NAV3: variants seen among roughly 807,000 people sequenced by gnomAD.
NAV3 encodes neuron navigator 3, also known as pore membrane and/or filament interacting like protein 1.
NAV3 carries 87 observed loss-of-function variants against 244.7 expected under a neutral mutation model. That is an observed-to-expected ratio of 0.36 (90% CI 0.30 to 0.42). The LOEUF (loss-of-function observed/expected upper bound fraction) is 0.42. Ranked by LOEUF, NAV3 falls within the 20% of genes least tolerant of loss-of-function variation. The pLI is 1.00. For missense variants in NAV3, 2,663 were observed against 2,893.3 expected (o/e 0.92, Z 1.83); for synonymous variants, 1,126 against 1,042.2 (o/e 1.08, Z -1.55).
intron 1 of NAV3, among the ~76,000 whole-genome samples, chr12:77,934,722 A>G (rs1222331649): frequency 2.6e-5 from 4 of 152,190 alleles, no homozygotes; most frequent in Non-Finnish European, 4.4e-5. Context: ...AATTCCTGTT[A>G]TGTCTTAGAA....
chr12:78,175,167 G>C lies in NAV3; in HGVS notation c.4982-139G>C, dbSNP rs1460662856. 34 of 839,204 alleles carry C rather than the reference G, an allele frequency of 4.1e-5. No individual in the cohort carries two copies. In the South Asian group the frequency reaches 7.2e-4, roughly 18 times the overall value. 52.0% of individuals were successfully genotyped at this position (839,204 alleles called of 1,614,324 possible). Reference sequence around the variant, plus strand: ...GGTTGTACTTTATTAAACTTCTAAAGTCAAAACTGCATTGAAATTATCTGT... The same window carrying C: ...GGTTGTACTTTATTAAACTTCTAAACTCAAAACTGCATTGAAATTATCTGT... On this transcript the variant is annotated intron_variant, in intron 24 of 39. Coordinates refer to ENST00000397909, the MANE Select transcript of NAV3 (RefSeq NM_001024383.2).
At chr12:77,653,044 A>G (rs556360694) in intron 2 of NAV3, among the ~76,000 whole-genome samples, 1 of 152,362 alleles carries the variant, frequency 6.6e-6, no homozygotes, top group South Asian at 2.1e-4. Context: ...AGAAACTGGA[A>G]TACAGAAGAT....
rs1010777859 is a variant in NAV3, at chr12:77,630,961, A to G, written c.72+58695A>G. ...AGTGTTCATTTCCTCACTAAGTACT[A>G]GGGCATACCACACTGTTTCCATAGC... On this transcript the variant is annotated intron_variant, in intron 2 of 8. Transcript: ENST00000550042. 2.0e-5 allele frequency among the ~76,000 whole-genome samples: 3 copies of G among 152,198 alleles called. No homozygotes were observed. In the South Asian group the frequency reaches 6.2e-4, roughly 31 times the overall value.
At chr12:77,885,162 TGG>T (rs1289642491) in intron 1 of NAV3, among the ~76,000 whole-genome samples, 1 of 152,070 alleles carries the variant, frequency 6.6e-6, no homozygotes, top group African/African-American at 2.4e-5. Context: ...TATTCCTATA[TGG>T]GTTAAGCAAT....
At chr12:77,849,931 T>C (rs990234439) in intron 1 of NAV3, among the ~76,000 whole-genome samples, 5 of 152,144 alleles carry the variant, frequency 3.3e-5, no homozygotes, top group Non-Finnish European at 5.9e-5. Flanking sequence ...CTCCTTTTTG[T>C]ACCTGATTAA....
At chr12:78,126,896 G>A (rs924163327) in intron 16 of NAV3, among the ~76,000 whole-genome samples, 1 of 152,138 alleles carries the variant, frequency 6.6e-6, no homozygotes, top group Non-Finnish European at 1.5e-5. Flanking sequence ...ATAGGATTCA[G>A]AGGAAAATTA....
At chr12:77,820,839 A>G (rs934521283) in intron 2 of NAV3, among the ~76,000 whole-genome samples, 1 of 152,204 alleles carries the variant, frequency 6.6e-6, no homozygotes, top group African/African-American at 2.4e-5. Context: ...AGATTTCCTT[A>G]AAGTGACTAT....
intron 2 of NAV3, among the ~76,000 whole-genome samples, chr12:77,664,199 A>G (rs1018352323): frequency 7.9e-5 from 12 of 152,326 alleles, no homozygotes; most frequent in African/African-American, 2.6e-4. Flanking sequence ...TTTAATGGAG[A>G]TGTTTGGATC....
At chr12:77,988,223 A>T (rs1434590459) in intron 5 of NAV3, among the ~76,000 whole-genome samples, 2 of 152,188 alleles carry the variant, frequency 1.3e-5, no homozygotes, top group African/African-American at 4.8e-5. Context: ...CTGAGGTTCT[A>T]TATTTCTAAC....
At chr12:77,836,016 T>A (rs573094968) in intron 1 of NAV3, among the ~76,000 whole-genome samples, 1 of 152,232 alleles carries the variant, frequency 6.6e-6, no homozygotes, top group African/African-American at 2.4e-5. Flanking sequence ...TTTCAAGGGC[T>A]TATGTTTTCC....
intron 2 of NAV3, among the ~76,000 whole-genome samples, chr12:77,731,067 A>G (rs1877108307): frequency 6.6e-6 from 1 of 152,004 alleles, no homozygotes; most frequent in Non-Finnish European, 1.5e-5. Context: ...TCTTCCACTC[A>G]TACAACTTGT....
rs2138627639 is a variant in NAV3 at position 78,119,707 on chromosome 12, G to C, written c.3511G>C (p.Ala1171Pro). Residue 1171 changes from alanine (A) to proline (P), a missense_variant, in exon 15 of 40, where the codon GCT (alanine) becomes CCT (proline). Around this residue, in one of 6 missense-constraint regions of NAV3, gnomAD observed 1,521 missense variants for 1,497.0 expected, o/e 1.02. Transcript: ENST00000397909. ...SIDSNVSSKSAGATTSKLREP... is the reference protein window; with the variant it reads ...SIDSNVSSKSPGATTSKLREP... ...TGATTCCAACGTCAGCAGCAAGTCT[G>C]CTGGGGCCACCACCTCGAAACTGAG... The C allele has an allele frequency of 6.2e-7, 1 of 1,614,222 alleles. No individual in the cohort carries two copies. The highest frequency in any genetic ancestry group is 8.5e-7 in the Non-Finnish European group (1 of 1,180,036).
At chr12:78,181,105 G>C (rs1008932718) in intron 30 of NAV3, 60 bp downstream of exon 30, 85 of 1,526,828 alleles carry the variant, frequency 5.6e-5, no homozygotes, top group Non-Finnish European at 7.1e-5. Flanking sequence ...CGGGTGGGAA[G>C]CCTGGAATTT....
At chr12:78,036,685 C>G in intron 9 of NAV3, 1 of 526,802 alleles carries the variant, frequency 1.9e-6, no homozygotes, top group Non-Finnish European at 3.4e-6. Context: ...AGTGATGTGT[C>G]AAGCTAAATT....
At chr12:77,776,617 T>C (rs964991274) in intron 2 of NAV3, among the ~76,000 whole-genome samples, 2 of 152,172 alleles carry the variant, frequency 1.3e-5, no homozygotes, top group Non-Finnish European at 2.9e-5. Flanking sequence ...CACAGTACTA[T>C]CTAGGCTCAC....
At chr12:78,020,951 G>T (rs534631132) in intron 8 of NAV3, among the ~76,000 whole-genome samples, 1 of 152,190 alleles carries the variant, frequency 6.6e-6, no homozygotes, top group East Asian at 1.9e-4. Flanking sequence ...AGTTCATGCC[G>T]TGAACATTTA....
rs139925663 is a variant in NAV3 at position 78,128,075 on chromosome 12, C to T, written c.4281-631C>T. ...AGTTTGGTGAAACACTGAATAATGG[C>T]GAAACTAGGTCTTTCTCCATTATTT... On this transcript the variant is annotated intron_variant, in intron 17 of 39. Coordinates refer to ENST00000397909, the MANE Select transcript of NAV3 (RefSeq NM_001024383.2). Among the ~76,000 whole-genome samples, 711 of 151,940 alleles carry T rather than the reference C, an allele frequency of 4.7e-3. 1 individual carries two copies. The highest frequency in any genetic ancestry group is 6.6e-3 in the Non-Finnish European group (446 of 67,948).
Position 78,154,792 on chromosome 12 carries a change from C to T in NAV3, c.4786-4411C>T, listed in dbSNP as rs1484191034. 2.0e-5 allele frequency among the ~76,000 whole-genome samples: 3 copies of T among 151,962 alleles called. No homozygotes were observed. In the East Asian group the frequency reaches 5.8e-4, roughly 29 times the overall value. On this transcript the variant is annotated intron_variant, in intron 22 of 39. Transcript: ENST00000397909. ...CCATATTTTTTAAAAGTCATTTTAT[C>T]AAGTCTCTCAGACAAGATGTGATAC...
At chr12:77,933,901 T>C (rs1179435642) in intron 1 of NAV3, among the ~76,000 whole-genome samples, 1 of 152,264 alleles carries the variant, frequency 6.6e-6, no homozygotes, top group Non-Finnish European at 1.5e-5. Flanking sequence ...CTTTGTCCAA[T>C]GTTGCCTACC....
Sources: gnomAD v4.1 joint callset for allele counts (sites outside exome capture counted in the v4.1 genomes callset) on GRCh38, gnomAD v4.1.1 for gene constraint, gnomAD v4.1.1 regional missense constraint, MANE v1.5 for transcripts, NCBI Gene and HGNC (gene_info 2026-07-23, HGNC 2026-07-21) for gene names.